The following PAPPA variants were observed in gnomAD, a reference collection of about 807,000 sequenced individuals.
The protein encoded by PAPPA is pappalysin-1.
In PAPPA, 60 loss-of-function variants were observed where a neutral mutation model predicts 164.0. The observed-to-expected ratio is 0.37, with a 90% CI of 0.30 to 0.45. The LOEUF (loss-of-function observed/expected upper bound fraction) is 0.45. Among genes scored for constraint, PAPPA ranks in the 20% least tolerant of loss-of-function variants. The probability of loss-of-function intolerance (pLI) is 1.00; values close to 1 mark genes in which losing one functional copy is unlikely to be tolerated. For missense variants in PAPPA, 1,782 were observed against 2,087.3 expected (o/e 0.85, Z 2.85); for synonymous variants, 875 against 814.1 (o/e 1.07, Z -1.27).
chr9:116,286,064 G>A (rs1365501477), intron 9 of PAPPA: 2 of 152,126 alleles, frequency 1.3e-5, no homozygotes, highest in Non-Finnish European at 2.9e-5. Context: ...TCTTTAAAAT[G>A]TTAATGTTAC....
intron 7 of PAPPA, among the ~76,000 whole-genome samples, chr9:116,254,707 G>A (rs1379983663): frequency 3.3e-5 from 5 of 150,966 alleles, no homozygotes; most frequent in African/African-American, 4.9e-5. Context: ...GCGTGAACCT[G>A]GGAGGCGGAG....
chr9:116,177,807 T>G (rs1206359456), intron 1 of PAPPA, among the ~76,000 whole-genome samples: 1 of 152,202 alleles, frequency 6.6e-6, no homozygotes, highest in Non-Finnish European at 1.5e-5. Flanking sequence ...CTGTGCAACT[T>G]TCAAGGATGA....
At chr9:116,212,886 C>T (rs970142891) in intron 4 of PAPPA, among the ~76,000 whole-genome samples, 24 of 152,342 alleles carry the variant, frequency 1.6e-4, no homozygotes, top group Middle Eastern at 6.8e-3. Context: ...AATATGCTCT[C>T]TCTCATTTAA....
intron 21 of PAPPA, among the ~76,000 whole-genome samples, chr9:116,393,650 A>G (rs962907763): frequency 1.3e-5 from 2 of 152,166 alleles, no homozygotes; most frequent in Non-Finnish European, 2.9e-5. Context: ...AAAAACCACA[A>G]TTATTTTTGC....
At chr9:116,318,379 G>A (rs1845812870) in intron 10 of PAPPA, 1 of 152,004 alleles carries the variant, frequency 6.6e-6, no homozygotes, top group African/African-American at 2.4e-5. Context: ...TGTGGACCAT[G>A]GGAATGAAGA....
intron 1 of PAPPA, among the ~76,000 whole-genome samples, chr9:116,157,198 G>T (rs532938938): frequency 6.6e-6 from 1 of 152,282 alleles, no homozygotes; most frequent in South Asian, 2.1e-4. Flanking sequence ...GCAGAGGCAG[G>T]CCTTGCCGCT....
intron 3 of PAPPA, among the ~76,000 whole-genome samples, chr9:116,208,819 C>T (rs1278208181): frequency 6.6e-6 from 1 of 151,916 alleles, no homozygotes; most frequent in African/African-American, 2.4e-5. Context: ...GAGAATGAAA[C>T]CAATTTGTGT....
intron 4 of PAPPA, among the ~76,000 whole-genome samples, chr9:116,212,615 C>T (rs1844322444): frequency 6.6e-6 from 1 of 152,124 alleles, no homozygotes; most frequent in South Asian, 2.1e-4. Context: ...TCTTTTTCCC[C>T]ACTAGAACAA....
At chr9:116,261,524 C>T (rs1282118735) in intron 7 of PAPPA, among the ~76,000 whole-genome samples, 1 of 152,198 alleles carries the variant, frequency 6.6e-6, no homozygotes, top group Non-Finnish European at 1.5e-5. Flanking sequence ...CGCAAAATCA[C>T]ATGACTTGTC....
At chr9:116,204,247 G>GC in intron 2 of PAPPA, among the ~76,000 whole-genome samples, 1 of 152,160 alleles carries the variant, frequency 6.6e-6, no homozygotes, top group Non-Finnish European at 1.5e-5. Flanking sequence ...CGCAGATTAA[G>GC]CCACACAGAT....
At chr9:116,237,265 CAGAA>C (rs955216597) in intron 7 of PAPPA, among the ~76,000 whole-genome samples, 1 of 152,204 alleles carries the variant, frequency 6.6e-6, no homozygotes, top group African/African-American at 2.4e-5. Context: ...TTTAAGAACT[CAGAA>C]AGAGCACTTG....
intron 1 of PAPPA, among the ~76,000 whole-genome samples, chr9:116,168,082 T>G (rs1843735976): frequency 6.6e-6 from 1 of 152,194 alleles, no homozygotes; most frequent in African/African-American, 2.4e-5. Context: ...GTTATAACTA[T>G]GGGTTTATAT....
At chr9:116,246,461 G>A (rs1844798209) in intron 7 of PAPPA, among the ~76,000 whole-genome samples, 2 of 152,114 alleles carry the variant, frequency 1.3e-5, no homozygotes, top group South Asian at 4.1e-4. Context: ...AATTCTTTGA[G>A]CTTTTATTAT....
At position 116,220,195 on chromosome 9, in the gene PAPPA, A is replaced by G. The variant is rs913027349; in HGVS notation, c.2111+66A>G. On this transcript the variant is annotated intron_variant, in intron 5 of 21. Coordinates refer to ENST00000328252, the MANE Select transcript of PAPPA (RefSeq NM_002581.5). ...CCTGCCAAGAAGAAGGAAACTTGGA[A>G]GGGAAGCAGACTTGGAGAGGGATTT... The G allele has an allele frequency of 7.0e-6, 9 of 1,285,156 alleles. No individual in the cohort carries two copies. In the African/African-American group the frequency reaches 1.2e-4, roughly 17 times the overall value. The allele number at this position is 1,285,156 out of a possible 1,614,324, so 79.6% of individuals were successfully genotyped here.
intron 20 of PAPPA, 118 bp from the exon 21 acceptor site, chr9:116,382,277 A>G: frequency 1.4e-6 from 1 of 699,904 alleles, no homozygotes; most frequent in Non-Finnish European, 2.6e-6. Flanking sequence ...AAGCCTGGCC[A>G]GCTAATCGTG....
intron 9 of PAPPA, among the ~76,000 whole-genome samples, chr9:116,284,814 A>G (rs1167114193): frequency 1.3e-5 from 2 of 152,102 alleles, no homozygotes; most frequent in Non-Finnish European, 2.9e-5. Context: ...TTTACTTTGA[A>G]AACGTTATCT....
intron 10 of PAPPA, among the ~76,000 whole-genome samples, chr9:116,310,645 G>A (rs911371831): frequency 6.6e-6 from 1 of 152,062 alleles, no homozygotes; most frequent in African/African-American, 2.4e-5. Context: ...TCTGCTCCTG[G>A]CTCTCTCTTC....
rs780215053 is a variant in PAPPA at position 116,187,806 on chromosome 9, C to T, written c.1068C>T (p.Arg356=). ...GCCAGCCCAAGGTGGTGCGCTACCGCGTGGTCAACCTCTATGAAGATGATC... is the reference window on the plus strand; with the variant it reads ...GCCAGCCCAAGGTGGTGCGCTACCGTGTGGTCAACCTCTATGAAGATGATC... ...SFRQPKVVRY[R]VVNLYEDDHK... is the part of the protein sequence containing the mutation. The change falls in exon 2 of 22, where the codon CGC becomes CGT. Residue 356 remains arginine (R), a synonymous_variant. Transcript: ENST00000328252. This position sits in a 1 kb window ranked among gnomAD's most constrained non-coding sequence, Gnocchi z 4.2. 4 of 1,614,236 alleles carry T rather than the reference C, an allele frequency of 2.5e-6. No homozygotes were observed. Among genetic ancestry groups the T allele is most frequent in the Non-Finnish European group, 3.4e-6 (4 of 1,180,052 alleles).
At chr9:116,278,791 G>A (rs1435179613) in intron 9 of PAPPA, among the ~76,000 whole-genome samples, 1 of 152,084 alleles carries the variant, frequency 6.6e-6, no homozygotes, top group Non-Finnish European at 1.5e-5. Context: ...CAATACCTCT[G>A]AGTCTCGGTT....
Sources: gnomAD v4.1 joint callset for allele counts (sites outside exome capture counted in the v4.1 genomes callset) on GRCh38, gnomAD v4.1.1 for gene constraint, Gnocchi (gnomAD v3.1) non-coding constraint, MANE v1.5 for transcripts, NCBI Gene and HGNC (gene_info 2026-07-23, HGNC 2026-07-21) for gene names.